The following SCAMP1 variants were observed in gnomAD, a reference collection of about 807,000 sequenced individuals.
SCAMP1 encodes the protein secretory carrier-associated membrane protein 1.
In SCAMP1, 15 loss-of-function variants were observed where a neutral mutation model predicts 41.8. That is an observed-to-expected ratio of 0.36 (90% CI 0.24 to 0.55). The LOEUF (loss-of-function observed/expected upper bound fraction) is 0.55, where lower values mean the gene tolerates loss of function less well. Ranked by LOEUF, SCAMP1 falls within the 20% of genes least tolerant of loss-of-function variation. The pLI, the probability that SCAMP1 is intolerant of heterozygous loss-of-function variation, is 0.86. For synonymous variants in SCAMP1, 135 were observed against 136.8 expected, an observed-to-expected ratio of 0.99 and a Z score of 0.09; for missense variants, 341 against 412.6, an observed-to-expected ratio of 0.83 and a Z score of 1.50.
At chr5:78,363,354 A>G (rs891095448) in intron 1 of SCAMP1, among the ~76,000 whole-genome samples, 2 of 151,634 alleles carry the variant, frequency 1.3e-5, no homozygotes, top group Admixed American at 6.6e-5. Context: ...CTGGGACTAC[A>G]GGCGCCCGCC....
At chr5:78,446,299 G>T (rs1426214962) in intron 6 of SCAMP1, among the ~76,000 whole-genome samples, 1 of 152,248 alleles carries the variant, frequency 6.6e-6, no homozygotes, top group East Asian at 1.9e-4. Flanking sequence ...TCTTCTAATA[G>T]ATTTCTTAAC....
intron 8 of SCAMP1, among the ~76,000 whole-genome samples, chr5:78,462,228 T>A (rs1187018451): frequency 6.6e-6 from 1 of 151,428 alleles, no homozygotes; most frequent in Non-Finnish European, 1.5e-5. Flanking sequence ...TGTGTGTGTG[T>A]CTATTGTAAA....
intron 7 of SCAMP1, among the ~76,000 whole-genome samples, chr5:78,455,630 T>C (rs1753373073): frequency 8.3e-6 from 1 of 120,420 alleles, no homozygotes; most frequent in African/African-American, 3.3e-5. Flanking sequence ...GGAATAGGTG[T>C]GGTGTGGTGC....
intron 6 of SCAMP1, among the ~76,000 whole-genome samples, chr5:78,423,790 A>AT (rs1423024293): frequency 6.6e-6 from 1 of 151,992 alleles, no homozygotes; most frequent in Non-Finnish European, 1.5e-5. Context: ...CTTTTAGAGT[A>AT]TATACAAATA....
At position 78,466,227 on chromosome 5, in the gene SCAMP1, G is replaced by A. The variant is rs570845792; in HGVS notation, c.852+6865G>A. Among the ~76,000 whole-genome samples the A allele has an allele frequency of 7.7e-4, 117 of 152,354 alleles. 4 individuals carry two copies. In the South Asian group the frequency reaches 0.024, roughly 31 times the overall value. On this transcript the variant is annotated intron_variant, in intron 8 of 8. Transcript: ENST00000621999. ...TTATTGAGCATATATTACGTGCCAGGCACTGGGCTGTGCATGAGCTCAGAG... is the reference window on the plus strand; with the variant it reads ...TTATTGAGCATATATTACGTGCCAGACACTGGGCTGTGCATGAGCTCAGAG...
At chr5:78,363,229 T>C (rs1189854242) in intron 1 of SCAMP1, among the ~76,000 whole-genome samples, 4 of 151,478 alleles carry the variant, frequency 2.6e-5, no homozygotes, top group Non-Finnish European at 5.9e-5. Flanking sequence ...CTTTTTTTTT[T>C]TGAGACGGAG....
Position 78,360,741 on chromosome 5 carries a change from C to G in SCAMP1, c.57+13C>G, listed in dbSNP as rs374465831. The stretch of plus-strand genomic sequence containing the variant: ...CAATCCCTTCAAGGTGAGCTTCGGC[C>G]CCAGCATCTCCTGCCGCCGCGACGC... On this transcript the variant is annotated intron_variant, in intron 1 of 8. Coordinates refer to ENST00000621999, the MANE Select transcript of SCAMP1 (RefSeq NM_004866.6). 357 of 1,602,536 alleles carry G rather than the reference C, an allele frequency of 2.2e-4. 1 individual carries two copies. The African/African-American group carries it at 4.1e-3, about 19-fold the overall frequency.
At chr5:78,428,597 G>A (rs1484182268) in intron 6 of SCAMP1, among the ~76,000 whole-genome samples, 1 of 151,860 alleles carries the variant, frequency 6.6e-6, no homozygotes, top group Admixed American at 6.6e-5. Context: ...AGAGTCCTTT[G>A]CATTTCATTT....
chr5:78,448,070 C>CT (rs1334201524), intron 6 of SCAMP1, among the ~76,000 whole-genome samples: 7 of 3,242 alleles, frequency 2.2e-3, no homozygotes, highest in South Asian at 0.015. Flanking sequence ...CCCTCCCCCT[C>CT]CCTCCTCCTT....
At chr5:78,389,054 G>T in intron 2 of SCAMP1, 140 bp downstream of exon 2, 1 of 475,388 alleles carries the variant, frequency 2.1e-6, no homozygotes, top group Admixed American at 4.1e-5. Flanking sequence ...AGCAAACTTG[G>T]ATTTTTTTAA....
chr5:78,372,241 C>G (rs930646848), intron 1 of SCAMP1, among the ~76,000 whole-genome samples: 1 of 152,150 alleles, frequency 6.6e-6, no homozygotes, highest in African/African-American at 2.4e-5. Flanking sequence ...AGAGCACTGT[C>G]AAGTGAAAGT....
intron 2 of SCAMP1, among the ~76,000 whole-genome samples, chr5:78,400,777 T>A (rs1393750583): frequency 6.6e-6 from 1 of 152,220 alleles, no homozygotes; most frequent in Non-Finnish European, 1.5e-5. Context: ...ATGTTGATGA[T>A]CTTGTTATCT....
intron 1 of SCAMP1, among the ~76,000 whole-genome samples, chr5:78,386,922 A>G (rs919238197): frequency 2.0e-4 from 31 of 152,246 alleles, no homozygotes; most frequent in African/African-American, 7.2e-4. Flanking sequence ...TAACCTGATG[A>G]CTATGTGCCT....
At position 78,478,660 on chromosome 5, in the gene SCAMP1, G is replaced by A. The variant is rs2112266158; in HGVS notation, c.*2992G>A. 6.6e-6 allele frequency: 1 copy of A among 152,216 alleles called. No individual in the cohort carries two copies. Among genetic ancestry groups the A allele is most frequent in the African/African-American group, 2.4e-5 (1 of 41,564 alleles). The allele number at this position is 152,216 out of a possible 1,614,324, so 9.4% of individuals were successfully genotyped here. ...GTATTGTATTTATTCAATTGAACTT[G>A]TATTCTGATTTCTATCCTTGCTACC... is the stretch of plus-strand genomic sequence containing the variant. On this transcript the variant is annotated 3_prime_UTR_variant, in exon 9 of 9. Transcript: ENST00000621999.
At chr5:78,414,181 G>C (rs138806541) in intron 2 of SCAMP1, among the ~76,000 whole-genome samples, 2 of 151,892 alleles carry the variant, frequency 1.3e-5, no homozygotes, top group East Asian at 1.9e-4. Flanking sequence ...AGACTTCCCA[G>C]ATATTTTATG....
intron 6 of SCAMP1, among the ~76,000 whole-genome samples, chr5:78,436,618 T>G (rs1752763326): frequency 6.6e-6 from 1 of 152,264 alleles, no homozygotes; most frequent in Non-Finnish European, 1.5e-5. Flanking sequence ...GCTGTTTGGT[T>G]ACTGTAGCCT....
intron 2 of SCAMP1, among the ~76,000 whole-genome samples, chr5:78,409,035 C>G (rs906622937): frequency 6.6e-6 from 1 of 152,132 alleles, no homozygotes; most frequent in African/African-American, 2.4e-5. Flanking sequence ...TTTTCTTACT[C>G]ATCCACTGAA....
Position 78,434,447 on chromosome 5 carries a change from A to G in SCAMP1, c.632+12487A>G, listed in dbSNP as rs116586126. 8.9e-3 allele frequency among the ~76,000 whole-genome samples: 1,348 copies of G among 152,184 alleles called. 16 individuals are homozygous for G. The highest frequency in any genetic ancestry group is 0.031 in the African/African-American group (1,270 of 41,516). On this transcript the variant is annotated intron_variant, in intron 6 of 8. Coordinates refer to ENST00000621999, the MANE Select transcript of SCAMP1 (RefSeq NM_004866.6). ...ACGTCCTAAGCTGAAGCCTTCCCCT[A>G]CTACATCTGAGAGATATAGGAAAGT...
intron 6 of SCAMP1, among the ~76,000 whole-genome samples, chr5:78,440,981 G>A (rs1002201704): frequency 2.6e-5 from 4 of 152,206 alleles, no homozygotes; most frequent in Non-Finnish European, 5.9e-5. Context: ...AGTGAGCAAG[G>A]CTCTGTGGGC....
Sources: allele counts gnomAD v4.1 joint callset (sites outside exome capture counted in the v4.1 genomes callset), GRCh38; gene constraint gnomAD v4.1.1; transcripts MANE v1.5; gene names NCBI Gene and HGNC (gene_info 2026-07-23, HGNC 2026-07-21).